Variants in TBC1D22A observed in about 807,000 individuals in gnomAD.
TBC1D22A encodes the protein TBC1 domain family member 22A.
A neutral mutation model predicts 60.2 loss-of-function variants in TBC1D22A; 38 were observed. That is an observed-to-expected ratio of 0.63 (90% CI 0.49 to 0.83). The LOEUF (loss-of-function observed/expected upper bound fraction) is 0.83. Ranked by LOEUF, TBC1D22A falls within the 40% of genes least tolerant of loss-of-function variation. TBC1D22A has a pLI of 0.00. For synonymous variants in TBC1D22A, 302 were observed against 281.7 expected (o/e 1.07, Z -0.72); for missense variants, 628 against 701.0 (o/e 0.90, Z 1.18).
At chr22:46,966,196 C>G (rs184004970) in intron 8 of TBC1D22A, among the ~76,000 whole-genome samples, 1 of 152,326 alleles carries the variant, frequency 6.6e-6, no homozygotes, top group African/African-American at 2.4e-5. Context: ...GCCCTCCAGG[C>G]TTGGTTGGAA....
intron 12 of TBC1D22A, among the ~76,000 whole-genome samples, chr22:47,151,628 G>A (rs560446692): frequency 5.3e-5 from 8 of 152,300 alleles, no homozygotes; most frequent in African/African-American, 1.9e-4. Flanking sequence ...GGCTGTGCTG[G>A]CTGCTGAGCC....
At chr22:47,149,149 C>A (rs2067400266) in intron 12 of TBC1D22A, among the ~76,000 whole-genome samples, 1 of 152,142 alleles carries the variant, frequency 6.6e-6, no homozygotes, top group Admixed American at 6.5e-5. Context: ...GCTGGGGTCA[C>A]ATGGCTCGGG....
At chr22:46,781,212 T>C (rs1011937482) in intron 1 of TBC1D22A, among the ~76,000 whole-genome samples, 2 of 150,338 alleles carry the variant, frequency 1.3e-5, no homozygotes, top group Non-Finnish European at 3.0e-5. Flanking sequence ...GTGTTGCTGG[T>C]GTCACTGCTG....
At chr22:46,827,045 A>G (rs1464067372) in intron 4 of TBC1D22A, among the ~76,000 whole-genome samples, 1 of 151,116 alleles carries the variant, frequency 6.6e-6, no homozygotes, top group Non-Finnish European at 1.5e-5. Context: ...ATCCTGTTGT[A>G]GAGTTGATTG....
At chr22:46,801,696 G>A (rs773824150) in intron 4 of TBC1D22A, among the ~76,000 whole-genome samples, 5 of 152,244 alleles carry the variant, frequency 3.3e-5, no homozygotes, top group Non-Finnish European at 7.3e-5. Flanking sequence ...GGCAAACTGT[G>A]TGTGGAGCTC....
chr22:46,873,604 C>A (rs1446027684), intron 4 of TBC1D22A, among the ~76,000 whole-genome samples: 3 of 152,066 alleles, frequency 2.0e-5, no homozygotes, highest in Middle Eastern at 3.2e-3. Flanking sequence ...TGTACAGATT[C>A]TTTCATCATC....
At chr22:47,113,061 T>C (rs1457643321) in intron 12 of TBC1D22A, among the ~76,000 whole-genome samples, 1 of 152,200 alleles carries the variant, frequency 6.6e-6, no homozygotes, top group Non-Finnish European at 1.5e-5. Context: ...TCTCCATCTG[T>C]GCAGAGAGCA....
At chr22:46,917,119 G>A (rs1354040661) in intron 8 of TBC1D22A, among the ~76,000 whole-genome samples, 1 of 152,184 alleles carries the variant, frequency 6.6e-6, no homozygotes, top group Admixed American at 6.6e-5. Context: ...CATTGGAGAC[G>A]ACACTCAGCT....
At chr22:46,928,839 A>G (rs2071192095) in intron 8 of TBC1D22A, among the ~76,000 whole-genome samples, 1 of 152,252 alleles carries the variant, frequency 6.6e-6, no homozygotes, top group Admixed American at 6.5e-5. Context: ...AATACAAATC[A>G]GAAGCCACAG....
chr22:47,158,980 A>G (rs1431177694), intron 12 of TBC1D22A, among the ~76,000 whole-genome samples: 1 of 151,166 alleles, frequency 6.6e-6, no homozygotes, highest in African/African-American at 2.4e-5. Context: ...CACACACAAC[A>G]CACACCATGT....
At chr22:47,006,515 T>A (rs1454548127) in intron 10 of TBC1D22A, among the ~76,000 whole-genome samples, 1 of 152,236 alleles carries the variant, frequency 6.6e-6, no homozygotes, top group African/African-American at 2.4e-5. Context: ...CCTTAGGCTG[T>A]GAGCCTGCGT....
chr22:47,138,889 C>T (rs183477262), intron 12 of TBC1D22A, among the ~76,000 whole-genome samples: 9 of 152,208 alleles, frequency 5.9e-5, no homozygotes, highest in Admixed American at 1.3e-4. Flanking sequence ...ATCCCTTCCC[C>T]GAGGGCTCCC....
Position 47,173,693 on chromosome 22 carries a change from A to C in TBC1D22A, c.*67A>C. ...GCGCCCCACCTGCCTGGCTGGTGGT[A>C]GGCCCCTGTGAGCTGGTCCCGGGCT... On this transcript the variant is annotated 3_prime_UTR_variant, in exon 13 of 13. Coordinates refer to ENST00000337137, the MANE Select transcript of TBC1D22A (RefSeq NM_014346.5). 6.2e-7 allele frequency: 1 copy of C among 1,604,122 alleles called. No homozygotes were observed. Among genetic ancestry groups the C allele is most frequent in the Non-Finnish European group, 8.5e-7 (1 of 1,174,462 alleles).
At chr22:47,142,319 C>A (rs1006783580) in intron 12 of TBC1D22A, among the ~76,000 whole-genome samples, 1 of 138,206 alleles carries the variant, frequency 7.2e-6, no homozygotes, top group East Asian at 2.2e-4. Context: ...ATCCACCCAC[C>A]CATCCATTCA....
At chr22:47,107,882 C>G (rs2065694934) in intron 11 of TBC1D22A, among the ~76,000 whole-genome samples, 1 of 152,194 alleles carries the variant, frequency 6.6e-6, no homozygotes, top group Non-Finnish European at 1.5e-5. Flanking sequence ...AAAATTAACT[C>G]AAAATGGATT....
chr22:47,141,957 A>G (rs76479389), intron 12 of TBC1D22A, among the ~76,000 whole-genome samples: 2,231 of 152,254 alleles, frequency 0.015, 23 homozygotes, highest in Non-Finnish European at 0.023. Flanking sequence ...TTATGGATCA[A>G]TTTTATCAGT....
intron 10 of TBC1D22A, among the ~76,000 whole-genome samples, chr22:47,035,738 A>G (rs1210348691): frequency 6.6e-6 from 1 of 152,136 alleles, no homozygotes; most frequent in East Asian, 1.9e-4. Flanking sequence ...TTCCAGGGCC[A>G]GCTTAGTGGA....
chr22:46,907,999 C>T (rs527458678), intron 7 of TBC1D22A, among the ~76,000 whole-genome samples: 51 of 152,264 alleles, frequency 3.3e-4, no homozygotes, highest in South Asian at 2.7e-3. Context: ...CCATTGCCGG[C>T]GAGGAGGCCA....
chr22:47,127,229 C>CTTT (rs66495419), intron 12 of TBC1D22A, among the ~76,000 whole-genome samples: 3 of 105,510 alleles, frequency 2.8e-5, no homozygotes, highest in African/African-American at 3.3e-5. Context: ...TTCTTTTTCT[C>CTTT]TTTTTTTTTT....
Sources: gnomAD v4.1 joint callset for allele counts (sites outside exome capture counted in the v4.1 genomes callset) on GRCh38, gnomAD v4.1.1 for gene constraint, MANE v1.5 for transcripts, NCBI Gene and HGNC (gene_info 2026-07-23, HGNC 2026-07-21) for gene names.